The following PRKG1 variants were observed in gnomAD, a reference collection of about 807,000 sequenced individuals.
PRKG1 encodes cGMP-dependent protein kinase 1.
Under a neutral mutation model 88.1 loss-of-function variants are expected in PRKG1, and 35 were observed. That is an observed-to-expected ratio of 0.40 (90% CI 0.30 to 0.53). The LOEUF (loss-of-function observed/expected upper bound fraction) is 0.53, where lower values mean the gene tolerates loss of function less well. Among genes scored for constraint, PRKG1 ranks in the 20% least tolerant of loss-of-function variants. The pLI, the probability that PRKG1 is intolerant of heterozygous loss-of-function variation, is 0.59. For synonymous variants in PRKG1, 303 were observed against 292.5 expected (o/e 1.04, Z -0.37); for missense variants, 540 against 839.8 (o/e 0.64, Z 4.41).
chr10:51,010,707 G>C (rs1012529802), intron 1 of PRKG1, among the ~76,000 whole-genome samples: 14 of 152,182 alleles, frequency 9.2e-5, no homozygotes, highest in African/African-American at 3.4e-4. Context: ...TGTAACAACT[G>C]AAAACAAATA....
chr10:52,128,731 T>A (rs761292352), intron 7 of PRKG1, among the ~76,000 whole-genome samples: 3 of 152,204 alleles, frequency 2.0e-5, no homozygotes, highest in Non-Finnish European at 4.4e-5. Context: ...TACCTGTTAA[T>A]CTGCCAAACA....
intron 3 of PRKG1, among the ~76,000 whole-genome samples, chr10:51,646,891 C>T (rs1839927232): frequency 6.6e-6 from 1 of 152,016 alleles, no homozygotes; most frequent in Non-Finnish European, 1.5e-5. Context: ...ATTATCTTGT[C>T]TACTTGCCCA....
At chr10:52,258,200 T>C (rs1841352312) in intron 10 of PRKG1, among the ~76,000 whole-genome samples, 1 of 138,846 alleles carries the variant, frequency 7.2e-6, no homozygotes, top group African/African-American at 2.5e-5. Flanking sequence ...GTTTCTCCTC[T>C]AAACCTGCAT....
intron 3 of PRKG1, among the ~76,000 whole-genome samples, chr10:51,680,341 G>A (rs1840821509): frequency 6.6e-6 from 1 of 152,056 alleles, no homozygotes; most frequent in Non-Finnish European, 1.5e-5. Context: ...AGGCCCTTGA[G>A]CCCCTTGCTC....
chr10:51,188,522 T>C (rs1468226289), intron 2 of PRKG1, among the ~76,000 whole-genome samples: 1 of 151,966 alleles, frequency 6.6e-6, no homozygotes. Flanking sequence ...TTCCCATGTG[T>C]CAGCTTTTTA....
At chr10:51,517,219 TG>T (rs1452818090) in intron 3 of PRKG1, among the ~76,000 whole-genome samples, 1 of 151,224 alleles carries the variant, frequency 6.6e-6, no homozygotes, top group Non-Finnish European at 1.5e-5. Flanking sequence ...TGATAAAGAG[TG>T]GAAAGTTGAG....
chr10:51,014,106 A>G (rs1843026151), intron 1 of PRKG1, among the ~76,000 whole-genome samples: 1 of 152,208 alleles, frequency 6.6e-6, no homozygotes, highest in Non-Finnish European at 1.5e-5. Context: ...TTTATTTTGA[A>G]TGTGAACATG....
chr10:51,054,640 G>A (rs1369721042), intron 1 of PRKG1, among the ~76,000 whole-genome samples: 1 of 152,104 alleles, frequency 6.6e-6, no homozygotes, highest in Non-Finnish European at 1.5e-5. Context: ...TTGGTGATAG[G>A]CATATCTAGG....
At chr10:51,785,864 T>C (rs1463380563) in intron 3 of PRKG1, among the ~76,000 whole-genome samples, 2 of 152,160 alleles carry the variant, frequency 1.3e-5, no homozygotes, top group East Asian at 1.9e-4. Context: ...ATTCAGCCAA[T>C]ATAGATAAAT....
intron 1 of PRKG1, among the ~76,000 whole-genome samples, chr10:51,040,470 C>A (rs188249801): frequency 6.6e-6 from 1 of 151,536 alleles, no homozygotes; most frequent in Non-Finnish European, 1.5e-5. Context: ...AGGTGCCCTC[C>A]AATACACCTG....
chr10:51,505,344 T>G (rs1841165445), intron 3 of PRKG1, among the ~76,000 whole-genome samples: 1 of 152,202 alleles, frequency 6.6e-6, no homozygotes, highest in African/African-American at 2.4e-5. Context: ...GTGGATAAGC[T>G]TTTTGATGTG....
intron 3 of PRKG1, among the ~76,000 whole-genome samples, chr10:51,708,073 G>A (rs1175704112): frequency 6.6e-6 from 1 of 152,156 alleles, no homozygotes. Flanking sequence ...CTGCTAGGCT[G>A]CTGTATTAGA....
intron 8 of PRKG1, among the ~76,000 whole-genome samples, chr10:52,158,405 A>G (rs541400178): frequency 3.2e-4 from 49 of 151,738 alleles, no homozygotes; most frequent in African/African-American, 1.1e-3. Context: ...CTGAATGTCT[A>G]TTTGATGAGG....
chr10:51,735,776 T>C (rs1204513364), intron 3 of PRKG1, among the ~76,000 whole-genome samples: 1 of 150,934 alleles, frequency 6.6e-6, no homozygotes, highest in Non-Finnish European at 1.5e-5. Context: ...ATGTGTTTGG[T>C]ACAGAGGCAA....
chr10:51,284,847 G>GC (rs1357616299), intron 2 of PRKG1, among the ~76,000 whole-genome samples: 3 of 131,938 alleles, frequency 2.3e-5, no homozygotes, highest in Non-Finnish European at 4.8e-5. Context: ...TCTGGGTGTG[G>GC]CTCCAGTGTT....
intron 7 of PRKG1, among the ~76,000 whole-genome samples, chr10:52,107,737 G>A (rs1589612300): frequency 6.6e-6 from 1 of 152,332 alleles, no homozygotes; most frequent in Admixed American, 6.5e-5. Flanking sequence ...AGGCCCTTAT[G>A]TGTCTATGGG....
chr10:51,872,503 A>G (rs1841184064), intron 4 of PRKG1, among the ~76,000 whole-genome samples: 1 of 152,202 alleles, frequency 6.6e-6, no homozygotes, highest in Non-Finnish European at 1.5e-5. Context: ...GGTTAAATTC[A>G]ATAAGGCATT....
intron 2 of PRKG1, among the ~76,000 whole-genome samples, chr10:51,456,113 G>C (rs1314475366): frequency 6.6e-6 from 1 of 152,186 alleles, no homozygotes. Flanking sequence ...GAAGAGCAAA[G>C]TCGCATCTCA....
intron 2 of PRKG1, among the ~76,000 whole-genome samples, chr10:51,446,265 T>A (rs1425608890): frequency 2.0e-5 from 3 of 151,988 alleles, no homozygotes; most frequent in African/African-American, 7.2e-5. Flanking sequence ...TTCTTTTCTT[T>A]TAACTAGAAG....
Sources: allele counts gnomAD v4.1 joint callset (sites outside exome capture counted in the v4.1 genomes callset), GRCh38; gene constraint gnomAD v4.1.1; transcripts MANE v1.5; gene names NCBI Gene and HGNC (gene_info 2026-07-23, HGNC 2026-07-21).